Variants in ROBO2 observed in about 807,000 individuals in gnomAD.
The protein encoded by ROBO2 is roundabout homolog 2.
ROBO2 carries 53 observed loss-of-function variants against 160.8 expected under a neutral mutation model. The observed-to-expected ratio is 0.33, with a 90% CI of 0.26 to 0.41. The LOEUF is 0.41. Among genes scored for constraint, ROBO2 ranks in the 10% least tolerant of loss-of-function variants. The pLI, the probability that ROBO2 is intolerant of heterozygous loss-of-function variation, is 1.00. For synonymous variants in ROBO2, 664 were observed against 611.7 expected (o/e 1.09, Z -1.26); for missense variants, 1,577 against 1,722.4 (o/e 0.92, Z 1.49).
intron 2 of ROBO2, among the ~76,000 whole-genome samples, chr3:76,417,930 C>A (rs895424837): frequency 6.6e-6 from 1 of 151,716 alleles, no homozygotes; most frequent in Non-Finnish European, 1.5e-5. Flanking sequence ...GTGTTTTTTG[C>A]CATTACTTTC....
chr3:77,055,246 G>A (rs1001498293), intron 1 of ROBO2, among the ~76,000 whole-genome samples: 7 of 152,022 alleles, frequency 4.6e-5, no homozygotes, highest in African/African-American at 1.7e-4. Context: ...TTGTAACAAA[G>A]AGCATATAAA....
intron 2 of ROBO2, among the ~76,000 whole-genome samples, chr3:76,833,582 T>G (rs1029390704): frequency 6.6e-6 from 1 of 152,220 alleles, no homozygotes; most frequent in Non-Finnish European, 1.5e-5. Flanking sequence ...AACTTAGACA[T>G]GCTGGTGGGA....
chr3:76,577,375 C>G (rs143534279), intron 2 of ROBO2, among the ~76,000 whole-genome samples: 1 of 152,142 alleles, frequency 6.6e-6, no homozygotes, highest in East Asian at 1.9e-4. Context: ...GTTCTGTAAG[C>G]AATGACCTTA....
intron 2 of ROBO2, among the ~76,000 whole-genome samples, chr3:76,309,831 T>TTACTATTA (rs1332332480): frequency 6.6e-6 from 1 of 152,164 alleles, no homozygotes; most frequent in East Asian, 1.9e-4. Context: ...ATTATTATTG[T>TTACTATTA]TACTATTATT....
intron 2 of ROBO2, among the ~76,000 whole-genome samples, chr3:76,211,707 A>C (rs1703154666): frequency 6.6e-6 from 1 of 152,058 alleles, no homozygotes; most frequent in Non-Finnish European, 1.5e-5. Flanking sequence ...TATTTCCTGA[A>C]GTGTATACAT....
chr3:76,723,982 G>A (rs1348156234), intron 2 of ROBO2, among the ~76,000 whole-genome samples: 1 of 152,110 alleles, frequency 6.6e-6, no homozygotes, highest in South Asian at 2.1e-4. Context: ...TGGCCGTCTA[G>A]ATTCTCTTGC....
At chr3:75,908,629 AACTACATTGAG>A (rs1252553565) in intron 1 of ROBO2, among the ~76,000 whole-genome samples, 1 of 152,154 alleles carries the variant, frequency 6.6e-6, no homozygotes, top group Non-Finnish European at 1.5e-5. Flanking sequence ...ACAATTGCAC[AACTACATTGAG>A]ACTACTGAAA....
chr3:76,422,284 A>AT (rs1185011451), intron 2 of ROBO2, among the ~76,000 whole-genome samples: 11 of 152,306 alleles, frequency 7.2e-5, no homozygotes, highest in Non-Finnish European at 1.2e-4. Context: ...TAATTTTATG[A>AT]TACTTTCTTA....
chr3:77,076,281 T>C (rs1187339903), intron 1 of ROBO2, among the ~76,000 whole-genome samples: 1 of 152,142 alleles, frequency 6.6e-6, no homozygotes, highest in African/African-American at 2.4e-5. Flanking sequence ...GGTTTCTGCT[T>C]TGTTCTATGA....
chr3:77,560,587 AT>A (rs999472937), intron 9 of ROBO2, among the ~76,000 whole-genome samples: 3 of 150,976 alleles, frequency 2.0e-5, no homozygotes, highest in African/African-American at 4.9e-5. Flanking sequence ...GTGTCTCACT[AT>A]TTTTTTTTCA....
chr3:77,413,072 T>C (rs2076933180), intron 2 of ROBO2, among the ~76,000 whole-genome samples: 1 of 151,874 alleles, frequency 6.6e-6, no homozygotes, highest in Admixed American at 6.6e-5. Flanking sequence ...TAAAAATATC[T>C]AGTGAGTACA....
At chr3:77,641,619 G>GA (rs2095352523) in intron 24 of ROBO2, among the ~76,000 whole-genome samples, 2 of 151,920 alleles carry the variant, frequency 1.3e-5, no homozygotes, top group African/African-American at 4.8e-5. Context: ...TGGTCTTTAT[G>GA]AAAAAATAAT....
chr3:77,137,946 A>C (rs998995207), intron 2 of ROBO2, among the ~76,000 whole-genome samples: 1 of 152,196 alleles, frequency 6.6e-6, no homozygotes, highest in Non-Finnish European at 1.5e-5. Context: ...AAGCAAATGC[A>C]GTTAAATTTA....
chr3:76,464,756 G>A (rs1002262416), intron 2 of ROBO2, among the ~76,000 whole-genome samples: 7 of 152,056 alleles, frequency 4.6e-5, no homozygotes, highest in Admixed American at 1.3e-4. Flanking sequence ...AAGATTAAAT[G>A]GATATTGTAG....
At chr3:76,305,647 T>C (rs1051540364) in intron 2 of ROBO2, among the ~76,000 whole-genome samples, 5 of 151,412 alleles carry the variant, frequency 3.3e-5, no homozygotes, top group African/African-American at 1.2e-4. Context: ...TAATCCCAGC[T>C]ACTCAGGAGG....
chr3:77,421,343 A>G (rs959368666), intron 2 of ROBO2, among the ~76,000 whole-genome samples: 3 of 152,060 alleles, frequency 2.0e-5, no homozygotes, highest in African/African-American at 7.2e-5. Flanking sequence ...GTTTCATTTT[A>G]TGTATTTTGT....
chr3:76,083,898 C>T (rs2068921887), intron 2 of ROBO2, among the ~76,000 whole-genome samples: 1 of 152,120 alleles, frequency 6.6e-6, no homozygotes, highest in Non-Finnish European at 1.5e-5. Context: ...ACCACAACTG[C>T]ATGCTCATTA....
intron 2 of ROBO2, among the ~76,000 whole-genome samples, chr3:76,700,323 G>C (rs2093021657): frequency 6.6e-6 from 1 of 152,118 alleles, no homozygotes; most frequent in African/African-American, 2.4e-5. Context: ...CCTTCCCAAA[G>C]AGCGATGTTT....
intron 6 of ROBO2, among the ~76,000 whole-genome samples, chr3:77,544,336 A>G (rs2092610635): frequency 6.6e-6 from 1 of 152,070 alleles, no homozygotes; most frequent in Non-Finnish European, 1.5e-5. Flanking sequence ...CTGAAAATAC[A>G]AGGCAACCTA....
Sources: gnomAD v4.1 joint callset for allele counts (sites outside exome capture counted in the v4.1 genomes callset) on GRCh38, gnomAD v4.1.1 for gene constraint, MANE v1.5 for transcripts, NCBI Gene and HGNC (gene_info 2026-07-23, HGNC 2026-07-21) for gene names.